SPAG17: variants seen among roughly 807,000 people sequenced by gnomAD.
The protein encoded by SPAG17 is sperm associated antigen 17.
A neutral mutation model predicts 273.6 loss-of-function variants in SPAG17; 169 were observed. The observed-to-expected ratio is 0.62, with a 90% confidence interval of 0.55 to 0.70. SPAG17 has a LOEUF of 0.70. SPAG17 is among the 30% of genes least tolerant of loss of function. The pLI, the probability that SPAG17 is intolerant of heterozygous loss-of-function variation, is 0.00. For synonymous variants in SPAG17, 825 were observed against 873.2 expected (o/e 0.94, Z 0.97); for missense variants, 2,557 against 2,627.8 (o/e 0.97, Z 0.59).
intron 17 of SPAG17, among the ~76,000 whole-genome samples, chr1:118,071,025 T>G (rs886760286): frequency 7.2e-5 from 11 of 152,230 alleles, no homozygotes; most frequent in Non-Finnish European, 1.0e-4. Context: ...TAGACTTTTT[T>G]TTTTTCATGG....
At chr1:118,084,021 G>C (rs1654805939) in intron 13 of SPAG17, among the ~76,000 whole-genome samples, 1 of 152,082 alleles carries the variant, frequency 6.6e-6, no homozygotes, top group Non-Finnish European at 1.5e-5. Flanking sequence ...GGTTTCAATG[G>C]TGGCAGCAGG....
intron 3 of SPAG17, among the ~76,000 whole-genome samples, chr1:118,141,972 CTTAA>C (rs1658708023): frequency 6.6e-6 from 1 of 152,114 alleles, no homozygotes; most frequent in Non-Finnish European, 1.5e-5. Flanking sequence ...CCCTTACTTG[CTTAA>C]TTAAATGTCT....
Position 118,055,818 on chromosome 1 carries a change from C to T in SPAG17, c.2637G>A (p.Arg879=). 6.2e-7 allele frequency: 1 copy of T among 1,613,114 alleles called. No homozygotes were observed. Among genetic ancestry groups the T allele is most frequent in the Non-Finnish European group, 8.5e-7 (1 of 1,179,598 alleles). ...ATTTCAATTCCAGCTCAGCTCTGGT[C>T]CTGATGATTTTCTCATTCATTTTAG... ...QESKMNEKII[R]TRAELELKSS... The change falls in exon 19 of 49, where the codon AGG becomes AGA. Residue 879 remains arginine, a synonymous_variant. Transcript: ENST00000336338.
intron 47 of SPAG17, chr1:117,966,353 A>G (rs942772314): frequency 3.2e-6 from 1 of 316,528 alleles, no homozygotes; most frequent in African/African-American, 2.1e-5. Flanking sequence ...ATTCTGTCTG[A>G]TATTCCGTAG....
chr1:117,974,541 C>T (rs921539609), intron 43 of SPAG17, among the ~76,000 whole-genome samples: 2 of 151,274 alleles, frequency 1.3e-5, no homozygotes, highest in Non-Finnish European at 2.9e-5. Context: ...AAAAAAAAAT[C>T]CCAAGCATTT....
intron 48 of SPAG17, chr1:117,959,951 GAA>G (rs1652809902): frequency 6.6e-6 from 1 of 152,288 alleles, no homozygotes; most frequent in Admixed American, 6.5e-5. Context: ...AAATTACCCA[GAA>G]CAGCGTCCTC....
At chr1:118,089,245 G>A (rs750184973) in intron 10 of SPAG17, among the ~76,000 whole-genome samples, 2 of 151,856 alleles carry the variant, frequency 1.3e-5, no homozygotes, top group Non-Finnish European at 2.9e-5. Flanking sequence ...AAGAGAGAAA[G>A]CTTTCTAGGC....
intron 3 of SPAG17, among the ~76,000 whole-genome samples, chr1:118,142,647 T>C (rs1272424680): frequency 6.6e-6 from 1 of 152,212 alleles, no homozygotes; most frequent in African/African-American, 2.4e-5. Context: ...ATTTTATATT[T>C]ACTATCCCAT....
intron 3 of SPAG17, among the ~76,000 whole-genome samples, chr1:118,129,416 T>A (rs1440835233): frequency 6.6e-6 from 1 of 152,218 alleles, no homozygotes; most frequent in African/African-American, 2.4e-5. Flanking sequence ...AACGCAGACC[T>A]GCTGAATCTG....
chr1:118,006,020 A>T, intron 31 of SPAG17, among the ~76,000 whole-genome samples: 1 of 151,958 alleles, frequency 6.6e-6, no homozygotes, highest in East Asian at 1.9e-4. Context: ...GCTCTTAGAA[A>T]CTCATCTCTC....
chr1:118,096,053 T>C (rs961859336), intron 7 of SPAG17, among the ~76,000 whole-genome samples: 14 of 152,146 alleles, frequency 9.2e-5, no homozygotes, highest in African/African-American at 3.4e-4. Flanking sequence ...AGGCTGAGAT[T>C]CACCAGGATA....
At chr1:118,088,983 G>A (rs1325791305) in intron 10 of SPAG17, among the ~76,000 whole-genome samples, 1 of 152,192 alleles carries the variant, frequency 6.6e-6, no homozygotes, top group East Asian at 1.9e-4. Context: ...GTTATTGTGT[G>A]CTGAGCATAC....
At chr1:118,173,122 G>A (rs1660494771) in intron 1 of SPAG17, among the ~76,000 whole-genome samples, 1 of 151,244 alleles carries the variant, frequency 6.6e-6, no homozygotes, top group African/African-American at 2.4e-5. Flanking sequence ...GTCCCTCTTT[G>A]CCCACCATTA....
rs967820986 is a variant in SPAG17 at position 118,109,148 on chromosome 1, C to CT, written c.447+6161dup. Among the ~76,000 whole-genome samples the CT allele has an allele frequency of 8.2e-3, 1,189 of 144,422 alleles. 12 individuals are homozygous for CT. Among genetic ancestry groups the CT allele is most frequent in the African/African-American group, 0.025 (991 of 39,662 alleles). The allele number at this position is 144,422 out of a possible 152,430, so 94.7% of individuals were successfully genotyped here. ...ATATATATCTATACTTCATCTTATT[C>CT]TTTTTTTTTTTTGAGACGGAGTCTT... On this transcript the variant is annotated intron_variant, in intron 4 of 48. Transcript: ENST00000336338.
At chr1:118,079,234 G>T (rs893235493) in intron 15 of SPAG17, among the ~76,000 whole-genome samples, 3 of 151,970 alleles carry the variant, frequency 2.0e-5, no homozygotes, top group Admixed American at 6.6e-5. Context: ...TTTGATTACT[G>T]ATATAATTAA....
rs370871188 is a variant in SPAG17, at chr1:118,059,395, T to C, written c.2541-3481A>G. Among the ~76,000 whole-genome samples, 114 of 152,282 alleles carry C rather than the reference T, an allele frequency of 7.5e-4. 2 individuals carry two copies. In the Middle Eastern group the frequency reaches 0.01, roughly 14 times the overall value. ...TTTTTAAATAAATAAAAATTGTAAA[T>C]ATTTATCATGTACAACATGTGGTTT... On this transcript the variant is annotated intron_variant, in intron 18 of 48. Transcript: ENST00000336338.
At chr1:118,074,053 G>A in intron 16 of SPAG17, 86 bp from the exon 17 acceptor site, 1 of 813,034 alleles carries the variant, frequency 1.2e-6, no homozygotes, top group Non-Finnish European at 1.9e-6. Flanking sequence ...TAACCAGTAT[G>A]TACTCCATCT....
intron 13 of SPAG17, 48 bp downstream of exon 13, chr1:118,085,874 G>C: frequency 6.6e-7 from 1 of 1,516,396 alleles, no homozygotes; most frequent in Non-Finnish European, 8.8e-7. Flanking sequence ...AGGCATATAT[G>C]ACCATTAATT....
intron 18 of SPAG17, among the ~76,000 whole-genome samples, chr1:118,058,924 C>A (rs930298559): frequency 6.6e-6 from 1 of 152,192 alleles, no homozygotes; most frequent in East Asian, 1.9e-4. Context: ...AATAAATTTG[C>A]ACACACATGC....
Sources: gnomAD v4.1 joint callset for allele counts (sites outside exome capture counted in the v4.1 genomes callset) on GRCh38, gnomAD v4.1.1 for gene constraint, MANE v1.5 for transcripts, NCBI Gene and HGNC (gene_info 2026-07-23, HGNC 2026-07-21) for gene names.